CA8: variants seen among roughly 807,000 people sequenced by gnomAD.
CA8 encodes carbonic anhydrase 8 (inactive).
Under a neutral mutation model 41.4 loss-of-function variants are expected in CA8, and 22 were observed. The ratio of observed to expected loss-of-function variants is 0.53; its 90% CI spans 0.38 to 0.76. The LOEUF is 0.76. Among genes scored for constraint, CA8 ranks in the 30% least tolerant of loss-of-function variants. The probability of loss-of-function intolerance (pLI) is 0.00; values close to 1 mark genes in which losing one functional copy is unlikely to be tolerated. For synonymous variants in CA8, 121 were observed against 130.6 expected, an observed-to-expected ratio of 0.93 and a Z score of 0.50; for missense variants, 270 against 352.8, an observed-to-expected ratio of 0.77 and a Z score of 1.88.
At chr8:60,230,272 T>C (rs1337350911) in intron 4 of CA8, among the ~76,000 whole-genome samples, 13 of 152,164 alleles carry the variant, frequency 8.5e-5, no homozygotes, top group Admixed American at 8.5e-4. Context: ...GCATAAGCTC[T>C]CCATCCCATG....
intron 4 of CA8, among the ~76,000 whole-genome samples, chr8:60,228,424 T>G (rs529781857): frequency 1.3e-5 from 2 of 152,240 alleles, no homozygotes; most frequent in African/African-American, 2.4e-5. Context: ...GGCCTACGTC[T>G]GCACTTGGGG....
At chr8:60,264,305 C>T (rs1803829636) in intron 3 of CA8, among the ~76,000 whole-genome samples, 1 of 152,218 alleles carries the variant, frequency 6.6e-6, no homozygotes, top group Non-Finnish European at 1.5e-5. Context: ...TTCCCTAGAA[C>T]TTTTGTTACT....
At chr8:60,270,073 A>C (rs946076363) in intron 2 of CA8, among the ~76,000 whole-genome samples, 1 of 152,226 alleles carries the variant, frequency 6.6e-6, no homozygotes, top group African/African-American at 2.4e-5. Context: ...AGCTACAGTC[A>C]AGGTGGGCAT....
intron 3 of CA8, among the ~76,000 whole-genome samples, chr8:60,252,236 T>C (rs1246180220): frequency 6.6e-6 from 1 of 152,178 alleles, no homozygotes; most frequent in East Asian, 1.9e-4. Flanking sequence ...GACCATCAAT[T>C]GACAACAGCA....
intron 3 of CA8, among the ~76,000 whole-genome samples, chr8:60,235,632 T>C (rs1164090377): frequency 1.3e-5 from 2 of 152,238 alleles, no homozygotes; most frequent in Non-Finnish European, 2.9e-5. Flanking sequence ...TTAGTGCTGG[T>C]TCTGTTCCAC....
chr8:60,271,523 G>C (rs1236227011), intron 2 of CA8, among the ~76,000 whole-genome samples: 2 of 152,036 alleles, frequency 1.3e-5, no homozygotes, highest in Non-Finnish European at 2.9e-5. Flanking sequence ...TGCCATGTTT[G>C]GGGGGGAAAA....
intron 3 of CA8, among the ~76,000 whole-genome samples, chr8:60,240,813 T>A (rs1027049873): frequency 1.3e-5 from 2 of 152,028 alleles, no homozygotes; most frequent in South Asian, 4.1e-4. Flanking sequence ...CCACCCAGGC[T>A]CTGCCACACT....
chr8:60,252,048 G>A (rs1333568927), intron 3 of CA8, among the ~76,000 whole-genome samples: 1 of 152,060 alleles, frequency 6.6e-6, no homozygotes, highest in Non-Finnish European at 1.5e-5. Flanking sequence ...GTAATTTGAT[G>A]CATCTTCATT....
At chr8:60,203,475 A>G (rs1232202999) in intron 8 of CA8, among the ~76,000 whole-genome samples, 1 of 152,110 alleles carries the variant, frequency 6.6e-6, no homozygotes, top group East Asian at 1.9e-4. Flanking sequence ...ACTTTTAGGC[A>G]AGTCTCTCAG....
intron 2 of CA8, 147 bp downstream of exon 2, chr8:60,279,542 A>G: frequency 1.4e-6 from 1 of 697,214 alleles, no homozygotes; most frequent in Non-Finnish European, 2.4e-6. Flanking sequence ...GTAATTCCCA[A>G]AAATGCTTTA....
chr8:60,275,466 T>TAA (rs879354167), intron 2 of CA8, among the ~76,000 whole-genome samples: 15 of 146,664 alleles, frequency 1.0e-4, no homozygotes, highest in African/African-American at 3.1e-4. Context: ...TGTATTTTTT[T>TAA]TAAAAAAAAA....
At chr8:60,247,800 T>C (rs1338355811) in intron 3 of CA8, among the ~76,000 whole-genome samples, 1 of 152,240 alleles carries the variant, frequency 6.6e-6, no homozygotes, top group Non-Finnish European at 1.5e-5. Flanking sequence ...AAATGGTATT[T>C]CTGGTTCTAG....
chr8:60,244,255 A>C (rs887804279), intron 3 of CA8, among the ~76,000 whole-genome samples: 3 of 152,166 alleles, frequency 2.0e-5, no homozygotes, highest in Admixed American at 1.3e-4. Context: ...CAAGATCCAT[A>C]ATCTATAGAT....
chr8:60,226,957 C>T, intron 4 of CA8, 22 bp from the exon 5 acceptor site: 2 of 1,540,512 alleles, frequency 1.3e-6, no homozygotes, highest in South Asian at 2.2e-5. Context: ...AAAGCATAAA[C>T]CACAACCACA....
intron 8 of CA8, among the ~76,000 whole-genome samples, chr8:60,193,293 G>A (rs537005408): frequency 1.1e-3 from 165 of 152,220 alleles, no homozygotes; most frequent in Non-Finnish European, 2.0e-3. Context: ...CACCATTCCT[G>A]AAGAAAGCTC....
chr8:60,255,046 G>A (rs1023235325), intron 3 of CA8, among the ~76,000 whole-genome samples: 3 of 152,134 alleles, frequency 2.0e-5, no homozygotes, highest in African/African-American at 7.2e-5. Flanking sequence ...TGGGGAATTT[G>A]AGAGAGTCAT....
chr8:60,279,852 A>T lies in CA8; in HGVS notation c.129T>A (p.Asp43Glu). The change falls in exon 2 of 9, where the codon GAT becomes GAA. Residue 43 changes from aspartate to glutamate, a missense_variant. Around this residue, in one of 3 missense-constraint regions of CA8, gnomAD observed 123 missense variants for 136.8 expected, o/e 0.90. Coordinates refer to ENST00000317995, the MANE Select transcript of CA8 (RefSeq NM_004056.6). ...EGVEWGLVFP[D>E]ANGEYQSPIN... Reference sequence around the variant, plus strand: ...TAGGAGACTGGTATTCCCCATTAGCATCAGGAAACACCAGACCCCACTCAA... The same window carrying T: ...TAGGAGACTGGTATTCCCCATTAGCTTCAGGAAACACCAGACCCCACTCAA... 1.9e-6 allele frequency: 3 copies of T among 1,613,626 alleles called. No homozygotes were observed. Among genetic ancestry groups the T allele is most frequent in the Non-Finnish European group, 2.5e-6 (3 of 1,179,770 alleles).
intron 5 of CA8, among the ~76,000 whole-genome samples, chr8:60,226,520 T>C (rs1475205354): frequency 6.6e-6 from 1 of 152,186 alleles, no homozygotes. Context: ...AGTGCTTGCA[T>C]GATTGACCCC....
chr8:60,276,904 A>G (rs1045549733), intron 2 of CA8, among the ~76,000 whole-genome samples: 2 of 152,130 alleles, frequency 1.3e-5, no homozygotes, highest in Non-Finnish European at 2.9e-5. Context: ...GGATCACCTG[A>G]GGTCAGGAGT....
Sources: allele counts gnomAD v4.1 joint callset (sites outside exome capture counted in the v4.1 genomes callset), GRCh38; gene constraint gnomAD v4.1.1; regional missense constraint gnomAD v4.1.1; transcripts MANE v1.5; gene names NCBI Gene and HGNC (gene_info 2026-07-23, HGNC 2026-07-21).